The following LMBRD1 variants were observed in gnomAD, a reference collection of about 807,000 sequenced individuals.
LMBRD1 encodes the protein LMBR1 domain containing 1.
In LMBRD1, 64 loss-of-function variants were observed where a neutral mutation model predicts 74.8. The ratio of observed to expected loss-of-function variants is 0.86; its 90% CI spans 0.70 to 1.05. The LOEUF is 1.05. LMBRD1 is among the 50% of genes least tolerant of loss of function. The probability of loss-of-function intolerance (pLI) is 0.00; values close to 1 mark genes in which losing one functional copy is unlikely to be tolerated. For missense variants in LMBRD1, 652 were observed against 645.9 expected, an observed-to-expected ratio of 1.01 and a Z score of -0.10; for synonymous variants, 204 against 216.3, an observed-to-expected ratio of 0.94 and a Z score of 0.50.
rs12214456 is a variant in LMBRD1 at position 69,749,384 on chromosome 6, T to C, written c.430A>G (p.Thr144Ala). 2.7e-4 allele frequency: 431 copies of C among 1,612,498 alleles called. No homozygotes were observed. Among genetic ancestry groups the C allele is most frequent in the Middle Eastern group, 6.6e-4 (4 of 6,074 alleles). Residue 144 changes from threonine to alanine, a missense_variant, in exon 5 of 16, where the codon ACT becomes GCT. By Grantham distance (58) the Thr-to-Ala change is moderately conservative (BLOSUM62 0). Around this residue, in one of 3 missense-constraint regions of LMBRD1, gnomAD observed 598 missense variants for 581.8 expected, o/e 1.03. Coordinates refer to ENST00000649934, the MANE Select transcript of LMBRD1 (RefSeq NM_018368.4). ...CTQIKTALKYTLGFVVICALL... is the reference protein window; with the variant it reads ...CTQIKTALKYALGFVVICALL... ...GCACAAATCACAACAAATCCCAAAGTATACTTGAGTGCCGTTTTAATTTGC... is the reference window on the plus strand; with the variant it reads ...GCACAAATCACAACAAATCCCAAAGCATACTTGAGTGCCGTTTTAATTTGC...
chr6:69,709,155 A>G lies in LMBRD1; in HGVS notation c.915+4490T>C, dbSNP rs4706284. 4.1e-3 allele frequency among the ~76,000 whole-genome samples: 624 copies of G among 151,844 alleles called. 19 individuals are homozygous for G. The highest frequency in any genetic ancestry group is 0.04 in the East Asian group (208 of 5,160). On this transcript the variant is annotated intron_variant, in intron 9 of 15. Transcript: ENST00000649934. Reference sequence around the variant, plus strand: ...AGGCTGAGGCAGGAGAATCGCTTGAACCTGGGAGGCGGAGCTTGCGGTGAG... The same window carrying G: ...AGGCTGAGGCAGGAGAATCGCTTGAGCCTGGGAGGCGGAGCTTGCGGTGAG...
At chr6:69,753,938 CAA>C (rs201669814) in intron 3 of LMBRD1, among the ~76,000 whole-genome samples, 7 of 106,132 alleles carry the variant, frequency 6.6e-5, no homozygotes, top group Admixed American at 1.0e-4. Flanking sequence ...GACTCCGTCT[CAA>C]AAAAAAAAAA....
chr6:69,685,846 G>A (rs560294611), intron 14 of LMBRD1, among the ~76,000 whole-genome samples: 2 of 152,004 alleles, frequency 1.3e-5, no homozygotes, highest in African/African-American at 2.4e-5. Context: ...TTGCAATCTC[G>A]GTTTCACAAA....
intron 2 of LMBRD1, among the ~76,000 whole-genome samples, chr6:69,784,395 G>T (rs765357380): frequency 6.6e-6 from 1 of 152,126 alleles, no homozygotes; most frequent in Non-Finnish European, 1.5e-5. Flanking sequence ...ACTCCAAAAT[G>T]ATTCTCCTCA....
chr6:69,768,154 G>A (rs1765507125), intron 3 of LMBRD1, among the ~76,000 whole-genome samples: 1 of 151,680 alleles, frequency 6.6e-6, no homozygotes. Context: ...CATTTGATTG[G>A]GGGTATTTAG....
intron 7 of LMBRD1, among the ~76,000 whole-genome samples, chr6:69,731,752 A>G (rs1470892047): frequency 6.6e-6 from 1 of 152,114 alleles, no homozygotes; most frequent in Admixed American, 6.5e-5. Flanking sequence ...GCATTTTCAA[A>G]CTGAAAATAT....
At chr6:69,686,673 T>C (rs1765771018) in intron 14 of LMBRD1, among the ~76,000 whole-genome samples, 1 of 152,132 alleles carries the variant, frequency 6.6e-6, no homozygotes, top group Non-Finnish European at 1.5e-5. Context: ...ACCTTCAAAA[T>C]ATATCCAGAT....
At chr6:69,754,594 T>G (rs1765231258) in intron 3 of LMBRD1, among the ~76,000 whole-genome samples, 1 of 152,230 alleles carries the variant, frequency 6.6e-6, no homozygotes, top group South Asian at 2.1e-4. Context: ...TTTAATATTA[T>G]GAGCAACTAA....
chr6:69,686,566 C>T (rs1240099274), intron 14 of LMBRD1, among the ~76,000 whole-genome samples: 2 of 152,096 alleles, frequency 1.3e-5, no homozygotes, highest in East Asian at 1.9e-4. Flanking sequence ...TAAACAAATA[C>T]TTTCTAATTA....
intron 8 of LMBRD1, among the ~76,000 whole-genome samples, chr6:69,716,431 C>G (rs1369252520): frequency 6.6e-6 from 1 of 152,042 alleles, no homozygotes; most frequent in African/African-American, 2.4e-5. Flanking sequence ...TGAGAAGTGT[C>G]TTGAGCACCT....
chr6:69,775,510 G>C (rs938523492), intron 3 of LMBRD1, among the ~76,000 whole-genome samples: 1 of 152,172 alleles, frequency 6.6e-6, no homozygotes, highest in African/African-American at 2.4e-5. Context: ...AACTAATGGT[G>C]CAAAAACAAC....
chr6:69,689,919 T>C (rs937323712), intron 14 of LMBRD1, among the ~76,000 whole-genome samples: 1 of 152,056 alleles, frequency 6.6e-6, no homozygotes, highest in African/African-American at 2.4e-5. Context: ...AGTTCCTCAA[T>C]ATCCATGGGG....
intron 1 of LMBRD1, among the ~76,000 whole-genome samples, chr6:69,795,631 A>C (rs370788749): frequency 6.6e-6 from 1 of 152,252 alleles, no homozygotes; most frequent in African/African-American, 2.4e-5. Context: ...CAAATACAGG[A>C]CTGGGTGGCT....
At chr6:69,681,868 GAT>G (rs900187644) in intron 14 of LMBRD1, among the ~76,000 whole-genome samples, 37 of 152,008 alleles carry the variant, frequency 2.4e-4, no homozygotes, top group African/African-American at 8.4e-4. Flanking sequence ...ATTTTATTGT[GAT>G]ATGATTTGAA....
At chr6:69,775,026 G>A (rs111257726) in intron 3 of LMBRD1, among the ~76,000 whole-genome samples, 42,223 of 90,236 alleles carry the variant, frequency 0.47, 12,189 homozygotes, top group East Asian at 0.66. Flanking sequence ...AGGGAGGGAG[G>A]GAGGGAGGGA....
intron 7 of LMBRD1, among the ~76,000 whole-genome samples, chr6:69,720,620 G>A (rs1766593869): frequency 6.6e-6 from 1 of 151,942 alleles, no homozygotes; most frequent in Admixed American, 6.6e-5. Context: ...TTGGTATATT[G>A]AGCATCCCTA....
At chr6:69,681,188 A>T (rs950693215) in intron 14 of LMBRD1, among the ~76,000 whole-genome samples, 2 of 152,056 alleles carry the variant, frequency 1.3e-5, no homozygotes, top group Admixed American at 6.6e-5. Context: ...CTGATGAGAA[A>T]GTGGCCATAC....
intron 3 of LMBRD1, among the ~76,000 whole-genome samples, chr6:69,763,505 C>G (rs1213510508): frequency 6.6e-6 from 1 of 152,088 alleles, no homozygotes; most frequent in Non-Finnish European, 1.5e-5. Context: ...AGGACCAGAT[C>G]ACAAACTTGT....
chr6:69,777,842 G>A (rs557829161), intron 3 of LMBRD1, among the ~76,000 whole-genome samples: 15 of 152,332 alleles, frequency 9.8e-5, no homozygotes, highest in African/African-American at 3.6e-4. Context: ...AGAAGAGATG[G>A]ATAAAAACTG....
Sources: gnomAD v4.1 joint callset for allele counts (sites outside exome capture counted in the v4.1 genomes callset) on GRCh38, gnomAD v4.1.1 for gene constraint, gnomAD v4.1.1 regional missense constraint, MANE v1.5 for transcripts, NCBI Gene and HGNC (gene_info 2026-07-23, HGNC 2026-07-21) for gene names.